FHIT: variants seen among roughly 807,000 people sequenced by gnomAD.
FHIT encodes the protein fragile histidine triad diadenosine triphosphatase, also known as bis(5'-adenosyl)-triphosphatase.
In FHIT, 19 loss-of-function variants were observed where a neutral mutation model predicts 17.9. The observed-to-expected ratio is 1.06, with a 90% CI of 0.74 to 1.56. The LOEUF (loss-of-function observed/expected upper bound fraction) is 1.56, where lower values mean the gene tolerates loss of function less well. Ranked by LOEUF, FHIT falls within the 40% of genes most tolerant of loss-of-function variation. The probability of loss-of-function intolerance (pLI) is 0.00; values close to 1 mark genes in which losing one functional copy is unlikely to be tolerated. For missense variants in FHIT, 248 were observed against 189.2 expected (o/e 1.31, Z -1.82); for synonymous variants, 81 against 69.7 (o/e 1.16, Z -0.81).
intron 3 of FHIT, among the ~76,000 whole-genome samples, chr3:60,822,247 G>T (rs1379395207): frequency 1.3e-5 from 2 of 152,160 alleles, no homozygotes; most frequent in African/African-American, 2.4e-5. Context: ...AAGAAAAGGG[G>T]CAGAACCATG....
chr3:60,303,145 C>T (rs976032673), intron 5 of FHIT, among the ~76,000 whole-genome samples: 1 of 152,112 alleles, frequency 6.6e-6, no homozygotes, highest in Non-Finnish European at 1.5e-5. Flanking sequence ...ATCAAACACA[C>T]CCTGAAGTAA....
intron 5 of FHIT, among the ~76,000 whole-genome samples, chr3:60,077,686 TCACA>T (rs35531886): frequency 0.11 from 11,890 of 110,146 alleles, 630 homozygotes; most frequent in Non-Finnish European, 0.12. Flanking sequence ...CGATTTTACT[TCACA>T]CACACACACA....
chr3:59,910,180 A>C (rs890045093), intron 8 of FHIT, among the ~76,000 whole-genome samples: 5 of 152,184 alleles, frequency 3.3e-5, no homozygotes, highest in African/African-American at 1.2e-4. Flanking sequence ...ATCAACATAC[A>C]TAAGATGAGC....
At chr3:60,238,783 T>C (rs1280971628) in intron 5 of FHIT, among the ~76,000 whole-genome samples, 3 of 152,112 alleles carry the variant, frequency 2.0e-5, no homozygotes, top group Admixed American at 6.6e-5. Flanking sequence ...GCCAACCCTG[T>C]TTTTCTCCCT....
chr3:60,980,214 G>A (rs1171882598), intron 3 of FHIT, among the ~76,000 whole-genome samples: 1 of 152,040 alleles, frequency 6.6e-6, no homozygotes, highest in Non-Finnish European at 1.5e-5. Flanking sequence ...GAATCATTGT[G>A]CATTTACTCT....
At chr3:60,337,542 C>T (rs1710303177) in intron 5 of FHIT, among the ~76,000 whole-genome samples, 1 of 152,152 alleles carries the variant, frequency 6.6e-6, no homozygotes, top group African/African-American at 2.4e-5. Context: ...TGTCATGACA[C>T]ATACAAATAA....
intron 5 of FHIT, among the ~76,000 whole-genome samples, chr3:60,489,538 A>G (rs772957718): frequency 2.6e-5 from 4 of 152,178 alleles, no homozygotes; most frequent in Admixed American, 6.6e-5. Context: ...TTGACCCTGC[A>G]TACATTAAAG....
At chr3:61,061,380 A>G (rs1416399529) in intron 2 of FHIT, among the ~76,000 whole-genome samples, 1 of 152,040 alleles carries the variant, frequency 6.6e-6, no homozygotes, top group East Asian at 1.9e-4. Flanking sequence ...GTCTCCTCTC[A>G]AAGTTTCACT....
chr3:60,141,916 C>T (rs1265476985), intron 5 of FHIT, among the ~76,000 whole-genome samples: 4 of 152,070 alleles, frequency 2.6e-5, no homozygotes, highest in African/African-American at 9.7e-5. Flanking sequence ...TCTGTTTAAA[C>T]TGTAGTGATT....
At chr3:61,011,323 T>G (rs9842587) in intron 3 of FHIT, among the ~76,000 whole-genome samples, 43,886 of 152,062 alleles carry the variant, frequency 0.29, 7,614 homozygotes, top group African/African-American at 0.49. Flanking sequence ...CAGTATCAAA[T>G]AATTTACCTT....
At chr3:59,831,123 G>A (rs1701149420) in intron 8 of FHIT, among the ~76,000 whole-genome samples, 1 of 152,180 alleles carries the variant, frequency 6.6e-6, no homozygotes, top group Non-Finnish European at 1.5e-5. Context: ...TCGTGAAGAT[G>A]TGCTTGAGAA....
intron 5 of FHIT, among the ~76,000 whole-genome samples, chr3:60,142,152 G>GT (rs1176824991): frequency 3.3e-5 from 5 of 152,286 alleles, no homozygotes; most frequent in African/African-American, 1.2e-4. Flanking sequence ...GGTCAAGAAT[G>GT]TAAGATCTAA....
chr3:60,500,086 A>G (rs1462907778), intron 5 of FHIT, among the ~76,000 whole-genome samples: 1 of 152,252 alleles, frequency 6.6e-6, no homozygotes, highest in African/African-American at 2.4e-5. Context: ...TCATTCATTT[A>G]CAATAGACAA....
intron 5 of FHIT, among the ~76,000 whole-genome samples, chr3:60,417,527 AAATAT>A (rs1702295437): frequency 6.6e-6 from 1 of 152,200 alleles, no homozygotes; most frequent in Admixed American, 6.5e-5. Flanking sequence ...GAGGCAAAGA[AAATAT>A]AATAGAAAAA....
chr3:60,804,519 T>C (rs1432447550), intron 4 of FHIT, among the ~76,000 whole-genome samples: 1 of 152,174 alleles, frequency 6.6e-6, no homozygotes, highest in African/African-American at 2.4e-5. Flanking sequence ...TCTTCATCTA[T>C]AAAGTGGAGA....
intron 3 of FHIT, among the ~76,000 whole-genome samples, chr3:60,832,971 T>C (rs1413305074): frequency 1.3e-5 from 2 of 152,184 alleles, no homozygotes; most frequent in Non-Finnish European, 2.9e-5. Flanking sequence ...GTGGCTACCA[T>C]ATTAGACAAC....
chr3:60,200,590 G>A (rs1008877089), intron 5 of FHIT, among the ~76,000 whole-genome samples: 1 of 151,700 alleles, frequency 6.6e-6, no homozygotes, highest in Non-Finnish European at 1.5e-5. Flanking sequence ...GGGCATCCAT[G>A]CTTTGAACTC....
At chr3:61,094,738 A>G (rs149418470) in intron 2 of FHIT, among the ~76,000 whole-genome samples, 3 of 152,344 alleles carry the variant, frequency 2.0e-5, no homozygotes, top group East Asian at 1.9e-4. Context: ...CACAAGCACC[A>G]TGATACCATG....
At chr3:59,970,258 G>C (rs918168338) in intron 7 of FHIT, among the ~76,000 whole-genome samples, 2 of 152,096 alleles carry the variant, frequency 1.3e-5, no homozygotes, top group African/African-American at 2.4e-5. Flanking sequence ...GAAAATATGA[G>C]AGCACAAGAC....
Sources: allele counts gnomAD v4.1 joint callset (sites outside exome capture counted in the v4.1 genomes callset), GRCh38; gene constraint gnomAD v4.1.1; transcripts MANE v1.5; gene names NCBI Gene and HGNC (gene_info 2026-07-23, HGNC 2026-07-21).